The following ATP6V0A4 variants were observed in gnomAD, a reference collection of about 807,000 sequenced individuals.
ATP6V0A4 encodes V-type proton ATPase 116 kDa subunit a 4.
ATP6V0A4 carries 86 observed loss-of-function variants against 107.3 expected under a neutral mutation model. That is an observed-to-expected ratio of 0.80 (90% CI 0.67 to 0.96). The LOEUF is 0.96. Ranked by LOEUF, ATP6V0A4 falls within the 40% of genes least tolerant of loss-of-function variation. The pLI is 0.00. For missense variants in ATP6V0A4, 908 were observed against 1,045.6 expected, an observed-to-expected ratio of 0.87 and a Z score of 1.81; for synonymous variants, 353 against 381.4, an observed-to-expected ratio of 0.93 and a Z score of 0.87.
chr7:138,728,050 A>C (rs761792039), intron 18 of ATP6V0A4, among the ~76,000 whole-genome samples: 2 of 152,180 alleles, frequency 1.3e-5, no homozygotes, highest in African/African-American at 2.4e-5. Context: ...AAAGTCTCAC[A>C]ACTTTAGAAT....
At position 138,786,581 on chromosome 7, in the gene ATP6V0A4, G is replaced by GAA. The variant is rs35642413; in HGVS notation, c.-120-323_-120-322dup. On this transcript the variant is annotated intron_variant, in intron 1 of 21. Coordinates refer to ENST00000310018, the MANE Select transcript of ATP6V0A4 (RefSeq NM_020632.3). ...GTGACAGAGTGAGACCTTGTCTCAG[G>GAA]AAAAAAAAAAAAGAGAGACAACAGA... 7.2e-4 allele frequency among the ~76,000 whole-genome samples: 105 copies of GAA among 146,114 alleles called. No homozygotes were observed. The East Asian group carries it at 7.2e-3, about 10-fold the overall frequency.
intron 2 of ATP6V0A4, among the ~76,000 whole-genome samples, chr7:138,774,451 G>C (rs1024184887): frequency 1.3e-5 from 2 of 151,530 alleles, no homozygotes; most frequent in African/African-American, 4.9e-5. Context: ...TGTGGTGGCG[G>C]GTGCCTGTAA....
At chr7:138,742,476 G>C (rs954641423) in intron 14 of ATP6V0A4, among the ~76,000 whole-genome samples, 5 of 152,124 alleles carry the variant, frequency 3.3e-5, no homozygotes, top group African/African-American at 1.2e-4. Context: ...CTATACTTAT[G>C]AGTTTAAATC....
Position 138,721,911 on chromosome 7 carries a change from C to G in ATP6V0A4, c.2125G>C (p.Asp709His), listed in dbSNP as rs142451916. Residue 709 changes from aspartate to histidine, a missense_variant, in exon 19 of 22, where the codon GAC (aspartate) becomes CAC (histidine). Asp to His is a moderately conservative substitution (Grantham distance 81). Transcript: ENST00000310018. ...GTCCCAGATACCTCTTCTCCATGGT[C>G]GTCCAGAGCCCCGTGGGTATCTGCA... ...TSADTHGALDDHGEEFNFGDV... is the reference protein window; with the variant it reads ...TSADTHGALDHHGEEFNFGDV... The G allele has an allele frequency of 8.3e-5, 134 of 1,613,934 alleles. No homozygotes were observed. The African/African-American group carries it at 1.7e-3, about 20-fold the overall frequency.
intron 12 of ATP6V0A4, 80 bp downstream of exon 12, chr7:138,749,087 C>T (rs1806098972): frequency 8.9e-6 from 14 of 1,567,178 alleles, no homozygotes; most frequent in Non-Finnish European, 1.2e-5. Flanking sequence ...AACAAGTTCA[C>T]CACCTCGGTC....
chr7:138,728,621 T>C (rs1804833660), intron 18 of ATP6V0A4, 140 bp downstream of exon 18: 3 of 1,159,646 alleles, frequency 2.6e-6, no homozygotes, highest in Admixed American at 3.7e-5. Context: ...GAACGAAACA[T>C]ACTCAGGGCG....
chr7:138,789,390 G>A (rs1241232195), intron 1 of ATP6V0A4, among the ~76,000 whole-genome samples: 2 of 151,900 alleles, frequency 1.3e-5, no homozygotes, highest in Non-Finnish European at 2.9e-5. Flanking sequence ...TGGGATTACA[G>A]GTGCCCACCA....
intron 2 of ATP6V0A4, among the ~76,000 whole-genome samples, chr7:138,778,701 T>C (rs370373021): frequency 1.7e-3 from 255 of 152,192 alleles, no homozygotes; most frequent in Middle Eastern, 3.4e-3. Flanking sequence ...GAAAAAACTA[T>C]GGCCCTGCCC....
At chr7:138,776,365 G>A (rs983364637) in intron 2 of ATP6V0A4, among the ~76,000 whole-genome samples, 4 of 152,170 alleles carry the variant, frequency 2.6e-5, no homozygotes, top group African/African-American at 9.7e-5. Context: ...CTTGAGAGGC[G>A]GAGCTCAGCT....
rs76977934 is a variant in ATP6V0A4, at chr7:138,749,299, T to C, written c.1048A>G (p.Met350Val). The change falls in exon 12 of 22, where the codon ATG (methionine) becomes GTG (valine). Residue 350 changes from methionine to valine, a missense_variant. By Grantham distance (21) the Met-to-Val change is conservative. Coordinates refer to ENST00000310018, the MANE Select transcript of ATP6V0A4 (RefSeq NM_020632.3). ...TGCACTGTGGTCATGATGGGGGCCATGGAGGAGCCACTTAGTTCCTGGAAA... is the reference window on the plus strand; with the variant it reads ...TGCACTGTGGTCATGATGGGGGCCACGGAGGAGCCACTTAGTTCCTGGAAA... ...EQGMELSGSS[M>V]APIMTTVQSK... is the part of the protein sequence containing the mutation. 312 of 1,609,160 alleles carry C rather than the reference T, an allele frequency of 1.9e-4. No homozygotes were observed. The African/African-American group carries it at 3.5e-3, about 18-fold the overall frequency.
At chr7:138,760,511 T>C in intron 7 of ATP6V0A4, among the ~76,000 whole-genome samples, 1 of 147,864 alleles carries the variant, frequency 6.8e-6, no homozygotes, top group Non-Finnish European at 1.5e-5. Flanking sequence ...TGATAGCAAA[T>C]ATTCAACAGT....
rs1289338918 is a variant in ATP6V0A4 at position 138,759,843 on chromosome 7, G to T, written c.548C>A (p.Ala183Asp). The T allele has an allele frequency of 3.7e-6, 6 of 1,614,092 alleles. No individual in the cohort carries two copies. The highest frequency in any genetic ancestry group is 5.1e-6 in the Non-Finnish European group (6 of 1,180,038). The change falls in exon 8 of 22, where the codon GCT becomes GAT. Residue 183 changes from alanine to aspartate, a missense_variant. Physicochemically the swap from Ala to Asp is moderately radical, Grantham distance 126. Transcript: ENST00000310018. ...TCGCCACAGTAACCGCTCAAAGGAA[G>T]CCATCCTCTCCCTGTTGATCACACC... is the stretch of plus-strand genomic sequence containing the variant. ...IAGVINRERM[A>D]SFERLLWRIC...
At chr7:138,745,394 C>A (rs1173247341) in intron 13 of ATP6V0A4, 114 bp from the exon 14 acceptor site, 1 of 1,456,240 alleles carries the variant, frequency 6.9e-7, no homozygotes, top group African/African-American at 1.4e-5. Context: ...CTTGGGGGAG[C>A]CACATGACCA....
chr7:138,759,931 A>C, intron 7 of ATP6V0A4, 53 bp from the exon 8 acceptor site: 6 of 1,613,156 alleles, frequency 3.7e-6, no homozygotes, highest in Non-Finnish European at 5.1e-6. Flanking sequence ...TGGGATGCAG[A>C]GAGAAGGCCC....
chr7:138,732,812 G>T, intron 17 of ATP6V0A4, 65 bp downstream of exon 17: 1 of 1,423,302 alleles, frequency 7.0e-7, no homozygotes, highest in South Asian at 1.3e-5. Flanking sequence ...AAAAAGAGTA[G>T]GAGAGAAATT....
At chr7:138,748,959 C>T (rs1310961226) in intron 12 of ATP6V0A4, among the ~76,000 whole-genome samples, 3 of 152,194 alleles carry the variant, frequency 2.0e-5, no homozygotes, top group African/African-American at 4.8e-5. Context: ...TTATAGACGA[C>T]ACCACAGGGT....
chr7:138,728,526 C>T (rs1418464344), intron 18 of ATP6V0A4, among the ~76,000 whole-genome samples: 1 of 152,134 alleles, frequency 6.6e-6, no homozygotes, highest in Non-Finnish European at 1.5e-5. Context: ...TGCGACCAGC[C>T]GAGACATAAG....
chr7:138,733,007 A>G lies in ATP6V0A4; in HGVS notation c.1778T>C (p.Met593Thr). 6.2e-7 allele frequency: 1 copy of G among 1,614,166 alleles called. No homozygotes were observed. The highest frequency in any genetic ancestry group is 1.6e-4 in the Middle Eastern group (1 of 6,062). ...AAAGCAGCACCATTTGAAAATGATC[A>G]TGAAAACCAGGTATCCAAACAGACA... is the stretch of plus-strand genomic sequence containing the variant. ...ILCLFGYLVFMIIFKWCCFDV... is the reference protein window; with the variant it reads ...ILCLFGYLVFTIIFKWCCFDV... The change falls in exon 17 of 22, where the codon ATG (methionine) becomes ACG (threonine). Residue 593 changes from methionine to threonine, a missense_variant. Physicochemically the swap from Met to Thr is moderately conservative, Grantham distance 81 (BLOSUM62 -1). Coordinates refer to ENST00000310018, the MANE Select transcript of ATP6V0A4 (RefSeq NM_020632.3).
intron 17 of ATP6V0A4, among the ~76,000 whole-genome samples, chr7:138,730,351 TG>T (rs1804936566): frequency 2.1e-5 from 3 of 141,502 alleles, no homozygotes; most frequent in Admixed American, 2.0e-4. Flanking sequence ...AGTGTGTGTG[TG>T]TGTGTGTGTG....
Sources: allele counts gnomAD v4.1 joint callset (sites outside exome capture counted in the v4.1 genomes callset), GRCh38; gene constraint gnomAD v4.1.1; transcripts MANE v1.5; gene names NCBI Gene and HGNC (gene_info 2026-07-23, HGNC 2026-07-21).